ENPP2: variants seen among roughly 807,000 people sequenced by gnomAD.
ENPP2 encodes ectonucleotide pyrophosphatase/phosphodiesterase 2, also known as autotaxin.
Under a neutral mutation model 120.2 loss-of-function variants are expected in ENPP2, and 51 were observed. That is an observed-to-expected ratio of 0.42 (90% CI 0.34 to 0.54). The LOEUF (loss-of-function observed/expected upper bound fraction) is 0.54, where lower values mean the gene tolerates loss of function less well. ENPP2 is among the 20% of genes least tolerant of loss of function. The pLI, the probability that ENPP2 is intolerant of heterozygous loss-of-function variation, is 0.04. For synonymous variants in ENPP2, 365 were observed against 366.4 expected, an observed-to-expected ratio of 1.00 and a Z score of 0.04; for missense variants, 920 against 1,066.5, an observed-to-expected ratio of 0.86 and a Z score of 1.91.
rs55992622 is a variant in ENPP2, at chr8:119,569,742, CTGTG to C, written c.1918-376_1918-373del. 2.9e-3 allele frequency among the ~76,000 whole-genome samples: 428 copies of C among 146,406 alleles called. 3 individuals carry two copies. Among genetic ancestry groups the C allele is most frequent in the South Asian group, 0.024 (111 of 4,560 alleles). ...TATCTCCTCTAAATAGACTATTTAT[CTGTG>C]TGTGTGTGTGTGTGTGTGTGTGTGT... On this transcript the variant is annotated intron_variant, in intron 20 of 24. Transcript: ENST00000075322.
intron 13 of ENPP2, 31 bp from the exon 14 acceptor site, chr8:119,587,106 G>A: frequency 6.3e-7 from 1 of 1,578,298 alleles, no homozygotes; most frequent in Non-Finnish European, 8.7e-7. Flanking sequence ...GATTTCAAAA[G>A]AAATAACAAC....
At chr8:119,663,527 T>A (rs1817985221) in intron 1 of ENPP2, among the ~76,000 whole-genome samples, 1 of 152,224 alleles carries the variant, frequency 6.6e-6, no homozygotes, top group Non-Finnish European at 1.5e-5. Context: ...TTTTGCTAAA[T>A]CTAACAGCCC....
chr8:119,563,025 A>G lies in ENPP2; in HGVS notation c.2265-12T>C. On this transcript the variant is annotated splice_polypyrimidine_tract_variant and intron_variant, in intron 23 of 24. Transcript: ENST00000075322. ...TGCCTTCCACGTACCTGAAACAGGA[A>G]GGTAAAACGAAGTCACAGTTGATGA... 1.2e-6 allele frequency: 2 copies of G among 1,610,852 alleles called. No homozygotes were observed. Among genetic ancestry groups the G allele is most frequent in the East Asian group, 2.2e-5 (1 of 44,788 alleles).
chr8:119,625,650 C>G (rs897130201), intron 3 of ENPP2, among the ~76,000 whole-genome samples: 1 of 152,166 alleles, frequency 6.6e-6, no homozygotes, highest in Non-Finnish European at 1.5e-5. Flanking sequence ...ATGTCAAGAA[C>G]AGCATTGACG....
intron 3 of ENPP2, among the ~76,000 whole-genome samples, chr8:119,626,269 CAGAA>C (rs1228911551): frequency 6.6e-6 from 1 of 152,026 alleles, no homozygotes; most frequent in African/African-American, 2.4e-5. Flanking sequence ...TGGGAATTGA[CAGAA>C]AGATATAGAA....
intron 1 of ENPP2, among the ~76,000 whole-genome samples, chr8:119,647,075 G>A (rs1817492494): frequency 6.7e-6 from 1 of 149,930 alleles, no homozygotes; most frequent in African/African-American, 2.5e-5. Flanking sequence ...TTGGCTCACT[G>A]CAACCTCCGC....
At chr8:119,593,365 A>G (rs1813672487) in intron 12 of ENPP2, among the ~76,000 whole-genome samples, 1 of 152,090 alleles carries the variant, frequency 6.6e-6, no homozygotes, top group Non-Finnish European at 1.5e-5. Flanking sequence ...TTTTTTAACC[A>G]TATAAACTCC....
chr8:119,642,089 A>G (rs930025355), upstream of ENPP2, among the ~76,000 whole-genome samples: 7 of 152,184 alleles, frequency 4.6e-5, no homozygotes, highest in African/African-American at 1.7e-4. Context: ...TGATCTATTT[A>G]TAACTGGATG....
intron 1 of ENPP2, among the ~76,000 whole-genome samples, chr8:119,664,760 G>A (rs568217548): frequency 3.3e-5 from 5 of 152,178 alleles, no homozygotes; most frequent in South Asian, 2.1e-4. Flanking sequence ...GGCCAACATG[G>A]TAAAACCCCA....
intron 15 of ENPP2, 24 bp downstream of exon 15, chr8:119,586,162 A>G (rs369985126): frequency 1.2e-5 from 20 of 1,604,458 alleles, no homozygotes; most frequent in Non-Finnish European, 1.7e-5. Flanking sequence ...AATGAGAAAC[A>G]GAAATAGCCC....
chr8:119,657,780 G>A (rs916746816), intron 1 of ENPP2, among the ~76,000 whole-genome samples: 2 of 152,206 alleles, frequency 1.3e-5, no homozygotes, highest in East Asian at 3.8e-4. Flanking sequence ...ATTTCAATGA[G>A]AGCTGTCATC....
intron 19 of ENPP2, among the ~76,000 whole-genome samples, chr8:119,578,877 A>T (rs1812531778): frequency 6.6e-6 from 1 of 152,176 alleles, no homozygotes; most frequent in South Asian, 2.1e-4. Context: ...TTAAAAGAGG[A>T]AAAATAAGTC....
At chr8:119,628,308 G>C (rs541788950) in intron 2 of ENPP2, among the ~76,000 whole-genome samples, 1 of 152,224 alleles carries the variant, frequency 6.6e-6, no homozygotes, top group African/African-American at 2.4e-5. Flanking sequence ...TAAAATTTTT[G>C]TAAAGTAGAA....
chr8:119,627,838 G>T (rs896591995), intron 2 of ENPP2, among the ~76,000 whole-genome samples: 1 of 146,860 alleles, frequency 6.8e-6, no homozygotes, highest in Non-Finnish European at 1.5e-5. Flanking sequence ...CTCCAGCCTG[G>T]GTAACAGAGT....
rs1213093603 is a variant in ENPP2 at position 119,583,766 on chromosome 8, C to G, written c.1494G>C (p.Lys498Asn). 1 of 1,602,920 alleles carries G rather than the reference C, an allele frequency of 6.2e-7. No homozygotes were observed. The highest frequency in any genetic ancestry group is 8.5e-7 in the Non-Finnish European group (1 of 1,170,830). The stretch of plus-strand genomic sequence containing the variant: ...TGTTTTCAAATGGAGGCACTTTAGT[C>G]TTGTACTTAAATGTTGAGCCATAAC... ...FVGYGSTFKY[K>N]TKVPPFENIE... The change falls in exon 17 of 25, where the codon AAG becomes AAC. Residue 498 changes from lysine to asparagine, a missense_variant. Physicochemically the swap from Lys to Asn is moderately conservative, Grantham distance 94 (BLOSUM62 0). Coordinates refer to ENST00000075322, the MANE Select transcript of ENPP2 (RefSeq NM_001040092.3).
At chr8:119,594,141 G>C (rs1479094363) in intron 11 of ENPP2, among the ~76,000 whole-genome samples, 1 of 152,176 alleles carries the variant, frequency 6.6e-6, no homozygotes. Context: ...CTTTAAGAGA[G>C]AAAATCGACT....
rs146392081 is a variant in ENPP2, at chr8:119,633,350, G to A, written c.136+5075C>T. On this transcript the variant is annotated intron_variant, in intron 2 of 24. Coordinates refer to ENST00000075322, the MANE Select transcript of ENPP2 (RefSeq NM_001040092.3). ...TTTGTCTGCTCCTGTTTATGATACT[G>A]CTCTCTATCTGTTCCTCCCATTCTC... 5.9e-3 allele frequency among the ~76,000 whole-genome samples: 893 copies of A among 152,272 alleles called. 9 individuals are homozygous for A. Among genetic ancestry groups the A allele is most frequent in the African/African-American group, 0.02 (848 of 41,566 alleles).
At chr8:119,577,105 C>A (rs1812395819) in intron 19 of ENPP2, among the ~76,000 whole-genome samples, 1 of 152,146 alleles carries the variant, frequency 6.6e-6, no homozygotes, top group Non-Finnish European at 1.5e-5. Flanking sequence ...GCCATTAAAA[C>A]AGTCACATAT....
chr8:119,646,500 G>A (rs1320196123), intron 1 of ENPP2, among the ~76,000 whole-genome samples: 1 of 152,076 alleles, frequency 6.6e-6, no homozygotes, highest in Non-Finnish European at 1.5e-5. Context: ...GACCTAGAGG[G>A]TAAATTCAAG....
Sources: allele counts gnomAD v4.1 joint callset (sites outside exome capture counted in the v4.1 genomes callset), GRCh38; gene constraint gnomAD v4.1.1; transcripts MANE v1.5; gene names NCBI Gene and HGNC (gene_info 2026-07-23, HGNC 2026-07-21).